Variants in GLI2 observed in about 807,000 individuals in gnomAD.
GLI2 encodes the protein transcription activator GLI2.
GLI2 carries 22 observed loss-of-function variants against 78.9 expected under a neutral mutation model. The ratio of observed to expected loss-of-function variants is 0.28; its 90% CI spans 0.20 to 0.40. The LOEUF (loss-of-function observed/expected upper bound fraction) is 0.40. GLI2 is among the 10% of genes least tolerant of loss of function. GLI2 has a pLI of 1.00. For missense variants in GLI2, 2,097 were observed against 2,213.2 expected, an observed-to-expected ratio of 0.95 and a Z score of 1.05; for synonymous variants, 974 against 963.7, an observed-to-expected ratio of 1.01 and a Z score of -0.20.
chr2:120,912,841 G>A (rs1472932117), intron 2 of GLI2, among the ~76,000 whole-genome samples: 1 of 152,148 alleles, frequency 6.6e-6, no homozygotes, highest in Non-Finnish European at 1.5e-5. Context: ...GAACAAGGGA[G>A]GTGCTGTCGA....
chr2:120,844,465 G>A (rs1351139464), intron 2 of GLI2, among the ~76,000 whole-genome samples: 7 of 152,132 alleles, frequency 4.6e-5, no homozygotes, highest in South Asian at 4.1e-4. Flanking sequence ...GAGGGTCTCC[G>A]TCCCTTCCTG....
At chr2:120,882,624 G>A (rs1426820501) in intron 2 of GLI2, among the ~76,000 whole-genome samples, 1 of 152,202 alleles carries the variant, frequency 6.6e-6, no homozygotes, top group East Asian at 1.9e-4. Context: ...ACCCTCCTCT[G>A]TCGGATCCCT....
At chr2:120,810,043 GC>G (rs1177940871) in intron 2 of GLI2, among the ~76,000 whole-genome samples, 1 of 152,220 alleles carries the variant, frequency 6.6e-6, no homozygotes, top group African/African-American at 2.4e-5. Flanking sequence ...AGGTGGATGA[GC>G]CCCAGGGGCG....
At chr2:120,874,841 G>A (rs994143607) in intron 2 of GLI2, among the ~76,000 whole-genome samples, 14 of 152,294 alleles carry the variant, frequency 9.2e-5, no homozygotes, top group Non-Finnish European at 5.9e-5. Context: ...GAGGGTACTC[G>A]GTGCCTGGGA....
chr2:120,875,532 C>G (rs887300976), intron 2 of GLI2, among the ~76,000 whole-genome samples: 2 of 152,242 alleles, frequency 1.3e-5, no homozygotes, highest in African/African-American at 2.4e-5. Flanking sequence ...CACAGCCTGT[C>G]CTGCAGACCC....
intron 1 of GLI2, among the ~76,000 whole-genome samples, chr2:120,739,826 T>G (rs2104618857): frequency 6.6e-6 from 1 of 152,376 alleles, no homozygotes; most frequent in Non-Finnish European, 1.5e-5. Context: ...AATAGGTGAT[T>G]GTACCAACAA....
chr2:120,791,488 G>A (rs1684155568), intron 1 of GLI2, among the ~76,000 whole-genome samples: 1 of 152,228 alleles, frequency 6.6e-6, no homozygotes, highest in Non-Finnish European at 1.5e-5. Flanking sequence ...CTGTCATGAG[G>A]TTAGAATGAC....
intron 2 of GLI2, among the ~76,000 whole-genome samples, chr2:120,879,539 G>T (rs1310103763): frequency 6.6e-6 from 1 of 152,200 alleles, no homozygotes; most frequent in Non-Finnish European, 1.5e-5. Flanking sequence ...GCAGTTAGGA[G>T]GAGGATGGTG....
At chr2:120,883,293 C>T (rs1677242155) in intron 2 of GLI2, among the ~76,000 whole-genome samples, 1 of 152,066 alleles carries the variant, frequency 6.6e-6, no homozygotes, top group Non-Finnish European at 1.5e-5. Context: ...TGAGACAAGC[C>T]TGGGCAACAT....
chr2:120,762,237 C>T (rs1683237179), intron 1 of GLI2, among the ~76,000 whole-genome samples: 1 of 152,194 alleles, frequency 6.6e-6, no homozygotes, highest in Admixed American at 6.5e-5. Flanking sequence ...GGGCCTGAGG[C>T]TGGCCTTTGC....
At chr2:120,940,113 G>A (rs1212325764) in intron 3 of GLI2, among the ~76,000 whole-genome samples, 2 of 152,088 alleles carry the variant, frequency 1.3e-5, no homozygotes, top group Admixed American at 6.5e-5. Context: ...ATTTTTCTAT[G>A]AGGTCGTCTT....
At chr2:120,892,543 C>T (rs191538283) in intron 2 of GLI2, among the ~76,000 whole-genome samples, 363 of 152,342 alleles carry the variant, frequency 2.4e-3, no homozygotes, top group Non-Finnish European at 3.7e-3. Context: ...TGCTCTGCCT[C>T]TCCTGCCGCC....
At position 120,797,407 on chromosome 2, in the gene GLI2, T is replaced by C. The variant is rs775696058; in HGVS notation, c.87T>C (p.Gly29=). The change falls in exon 2 of 14, where the codon GGT becomes GGC. Residue 29 remains glycine (G), a synonymous_variant. Transcript: ENST00000361492. Reference sequence around the variant, plus strand: ...AGGCCGCTGGCTTCCCCGACCCGGGTAAAAAGGCCTCTCCTTTGGTGGTGG... The same window carrying C: ...AGGCCGCTGGCTTCCCCGACCCGGGCAAAAAGGCCTCTCCTTTGGTGGTGG... The part of the protein sequence containing the change: ...ILEAAGFPDP[G]KKASPLVVAA... 6.2e-7 allele frequency: 1 copy of C among 1,613,854 alleles called. No individual in the cohort carries two copies. Among genetic ancestry groups the C allele is most frequent in the Non-Finnish European group, 8.5e-7 (1 of 1,179,920 alleles).
chr2:120,880,430 G>GC (rs1677060545), intron 2 of GLI2, among the ~76,000 whole-genome samples: 1 of 152,104 alleles, frequency 6.6e-6, no homozygotes, highest in African/African-American at 2.4e-5. Context: ...TAATCCCATT[G>GC]CCTGAAGTCC....
chr2:120,944,167 C>G (rs148876249), intron 3 of GLI2, among the ~76,000 whole-genome samples: 13 of 152,312 alleles, frequency 8.5e-5, no homozygotes, highest in African/African-American at 2.9e-4. Flanking sequence ...TGCTCATTAC[C>G]TTGACCTTTT....
At chr2:120,796,751 A>T (rs796383388) in intron 1 of GLI2, among the ~76,000 whole-genome samples, 1 of 152,242 alleles carries the variant, frequency 6.6e-6, no homozygotes, top group East Asian at 1.9e-4. Flanking sequence ...ATGATGCCTG[A>T]TGCATACTAG....
chr2:120,892,832 G>A (rs941692440), intron 2 of GLI2, among the ~76,000 whole-genome samples: 1 of 152,084 alleles, frequency 6.6e-6, no homozygotes, highest in Non-Finnish European at 1.5e-5. Context: ...CACCACCTTC[G>A]GTGTCTCTTC....
At chr2:120,867,522 T>C (rs1309106976) in intron 2 of GLI2, 1 of 152,300 alleles carries the variant, frequency 6.6e-6, no homozygotes, top group Non-Finnish European at 1.5e-5. Context: ...CGCTGGGCAG[T>C]GCCGCCGCTG....
At chr2:120,777,315 A>C (rs924855208) in intron 1 of GLI2, among the ~76,000 whole-genome samples, 5 of 151,754 alleles carry the variant, frequency 3.3e-5, no homozygotes, top group Non-Finnish European at 5.9e-5. Flanking sequence ...GAGATGTGTG[A>C]GAAGCCGTGT....
Sources: gnomAD v4.1 joint callset for allele counts (sites outside exome capture counted in the v4.1 genomes callset) on GRCh38, gnomAD v4.1.1 for gene constraint, MANE v1.5 for transcripts, NCBI Gene and HGNC (gene_info 2026-07-23, HGNC 2026-07-21) for gene names.